CIMAP1C: variants seen among roughly 807,000 people sequenced by gnomAD.
CIMAP1C encodes outer dense fiber of sperm tails 3 like 1.
the CIMAP1C span, chr15:75,727,686 G>A: frequency 1.1e-6 from 1 of 870,516 alleles, no homozygotes; most frequent in Non-Finnish European, 1.7e-6. Flanking sequence ...ACATTTTCAT[G>A]TATTTGTTTT....
the CIMAP1C span, chr15:75,724,162 C>G: frequency 1.4e-6 from 2 of 1,417,572 alleles, no homozygotes; most frequent in Admixed American, 3.4e-5. Flanking sequence ...TGTTTAGACC[C>G]TGCTGTAGCT....
the CIMAP1C span, chr15:75,725,203 C>T: frequency 6.8e-6 from 11 of 1,612,754 alleles, no homozygotes; most frequent in South Asian, 3.3e-5. Flanking sequence ...CCTGCATAGC[C>T]GGCACTCAGA....
At chr15:75,726,639 C>A in the CIMAP1C span, among the ~76,000 whole-genome samples, 1 of 151,910 alleles carries the variant, frequency 6.6e-6, no homozygotes, top group Non-Finnish European at 1.5e-5. Flanking sequence ...TTATTTAGAT[C>A]GAGTCTCGCT....
At chr15:75,727,502 C>T in the CIMAP1C span, 1 of 1,606,458 alleles carries the variant, frequency 6.2e-7, no homozygotes. Context: ...CAAGCACTCA[C>T]TCCACCTGTG....
chr15:75,725,048 G>T, the CIMAP1C span: 1 of 1,144,502 alleles, frequency 8.7e-7, no homozygotes, highest in Non-Finnish European at 1.3e-6. Flanking sequence ...CTGTACTGGG[G>T]CTTCCCCTGC....
the CIMAP1C span, chr15:75,725,069 G>A: frequency 1.5e-5 from 21 of 1,439,408 alleles, 1 homozygote; most frequent in South Asian, 2.3e-4. Flanking sequence ...CTCTGACCTG[G>A]TGGGCCCAGG....
chr15:75,726,812 C>T, the CIMAP1C span, among the ~76,000 whole-genome samples: 1 of 152,090 alleles, frequency 6.6e-6, no homozygotes. Flanking sequence ...GATGGGGTTT[C>T]ACCATGTTGG....
chr15:75,724,278 G>A, the CIMAP1C span: 1 of 1,614,132 alleles, frequency 6.2e-7, no homozygotes, highest in East Asian at 2.2e-5. Context: ...CTCAAGGCAG[G>A]AGGTCAAGCA....
the CIMAP1C span, chr15:75,726,309 C>T: frequency 2.6e-5 from 16 of 622,186 alleles, no homozygotes; most frequent in African/African-American, 2.0e-4. Context: ...TGCAAGACAC[C>T]GACATTGCAA....
the CIMAP1C span, among the ~76,000 whole-genome samples, chr15:75,724,831 C>T: frequency 0.27 from 41,735 of 152,150 alleles, 5,849 homozygotes; most frequent in Admixed American, 0.32. Flanking sequence ...AAATAATCCA[C>T]GTCGGATGCC....
the CIMAP1C span, chr15:75,724,109 GA>G: frequency 1.2e-6 from 1 of 803,964 alleles, no homozygotes; most frequent in East Asian, 2.5e-5. Flanking sequence ...TGGGGTGGGG[GA>G]TGGGGGGGTC....
the CIMAP1C span, among the ~76,000 whole-genome samples, chr15:75,724,907 T>G: frequency 1.3e-5 from 2 of 152,248 alleles, no homozygotes; most frequent in Non-Finnish European, 2.9e-5. Context: ...TATTATGCAT[T>G]GTCTGTCCAA....
At chr15:75,727,536 A>G in the CIMAP1C span, 1 of 1,576,260 alleles carries the variant, frequency 6.3e-7, no homozygotes, top group Middle Eastern at 1.7e-4. Context: ...GACATTCGTG[A>G]CTGAGGCCCC....
At chr15:75,724,986 G>A in the CIMAP1C span, 22 of 645,630 alleles carry the variant, frequency 3.4e-5, no homozygotes, top group Middle Eastern at 2.8e-4. Flanking sequence ...TGCTGGGCTC[G>A]TGGCAGTGCG....
the CIMAP1C span, chr15:75,725,111 C>T: frequency 0.23 from 369,895 of 1,611,380 alleles, 45,343 homozygotes; most frequent in Non-Finnish European, 0.26. Flanking sequence ...CTTACAGGTC[C>T]GGGGCCCGCC....
At chr15:75,724,604 G>T in the CIMAP1C span, among the ~76,000 whole-genome samples, 8 of 152,244 alleles carry the variant, frequency 5.3e-5, no homozygotes, top group African/African-American at 1.7e-4. Context: ...AGGGACAGCA[G>T]ACGCTAATTC....
At chr15:75,727,672 A>T in the CIMAP1C span, 2 of 924,012 alleles carry the variant, frequency 2.2e-6, no homozygotes, top group Non-Finnish European at 3.2e-6. Flanking sequence ...AAGACATTAG[A>T]GATACATTTT....
the CIMAP1C span, among the ~76,000 whole-genome samples, chr15:75,725,376 ACT>A: frequency 6.6e-6 from 1 of 151,876 alleles, no homozygotes; most frequent in Non-Finnish European, 1.5e-5. Flanking sequence ...GGGTGGGGCA[ACT>A]CCATGGGCAT....
At chr15:75,724,158 G>T in the CIMAP1C span, 1 of 1,369,724 alleles carries the variant, frequency 7.3e-7, no homozygotes, top group South Asian at 1.2e-5. Context: ...CTGCTGTTTA[G>T]ACCCTGCTGT....
Sources: gnomAD v4.1 joint callset for allele counts (sites outside exome capture counted in the v4.1 genomes callset) on GRCh38, gnomAD v4.1.1 for gene constraint, MANE v1.5 for transcripts, NCBI Gene and HGNC (gene_info 2026-07-23, HGNC 2026-07-21) for gene names.